PARP1: variants seen among roughly 807,000 people sequenced by gnomAD.
PARP1 encodes the protein poly(ADP-ribose) polymerase 1, also known as poly [ADP-ribose] polymerase 1.
PARP1 carries 44 observed loss-of-function variants against 118.7 expected under a neutral mutation model. The ratio of observed to expected loss-of-function variants is 0.37; its 90% confidence interval spans 0.29 to 0.48. The LOEUF is 0.48. Ranked by LOEUF, PARP1 falls within the 20% of genes least tolerant of loss-of-function variation. The pLI is 0.99. For missense variants in PARP1, 1,100 were observed against 1,272.4 expected, an observed-to-expected ratio of 0.86 and a Z score of 2.06; for synonymous variants, 492 against 483.2, an observed-to-expected ratio of 1.02 and a Z score of -0.24.
At chr1:226,365,535 C>T (rs979571187) in intron 18 of PARP1, among the ~76,000 whole-genome samples, 17 of 152,106 alleles carry the variant, frequency 1.1e-4, no homozygotes, top group African/African-American at 2.9e-4. Context: ...GGGAGGCCAA[C>T]GCAGGCGGAT....
intron 8 of PARP1, among the ~76,000 whole-genome samples, chr1:226,381,529 G>A (rs1050547588): frequency 1.3e-5 from 2 of 151,452 alleles, no homozygotes; most frequent in African/African-American, 4.9e-5. Context: ...TGCGGACGAG[G>A]GACCAGGAGG....
chr1:226,390,120 A>G (rs1664793548), intron 4 of PARP1, among the ~76,000 whole-genome samples: 1 of 152,118 alleles, frequency 6.6e-6, no homozygotes, highest in South Asian at 2.1e-4. Flanking sequence ...GGGAAAGTGT[A>G]GTTAGCCTGT....
At chr1:226,385,006 A>G (rs1664688458) in intron 7 of PARP1, among the ~76,000 whole-genome samples, 1 of 152,220 alleles carries the variant, frequency 6.6e-6, no homozygotes, top group Non-Finnish European at 1.5e-5. Context: ...CCGGCTCCAA[A>G]GGAGGCTCCC....
chr1:226,386,611 G>A (rs1445036358), intron 5 of PARP1, among the ~76,000 whole-genome samples, 169 bp from the exon 6 acceptor site: 1 of 152,226 alleles, frequency 6.6e-6, no homozygotes, highest in Admixed American at 6.5e-5. Flanking sequence ...TCATGCTCCT[G>A]TGGACACCAA....
chr1:226,398,045 C>A (rs1403867644), intron 2 of PARP1, among the ~76,000 whole-genome samples: 3 of 151,538 alleles, frequency 2.0e-5, no homozygotes, highest in African/African-American at 7.3e-5. Context: ...GATAACAGAC[C>A]TAAATGTAAG....
intron 4 of PARP1, among the ~76,000 whole-genome samples, 162 bp from the exon 5 acceptor site, chr1:226,388,917 G>A (rs1664771160): frequency 6.6e-6 from 1 of 152,070 alleles, no homozygotes; most frequent in Admixed American, 6.5e-5. Flanking sequence ...GCCCTTAGGC[G>A]ATCACTGTCT....
rs1426945980 is a variant in PARP1, at chr1:226,392,193, T to G, written c.402+6A>C. 2 of 1,579,330 alleles carry G rather than the reference T, an allele frequency of 1.3e-6. No individual in the cohort carries two copies. Among genetic ancestry groups the G allele is most frequent in the African/African-American group, 2.7e-5 (2 of 74,230 alleles). On this transcript the variant is annotated splice_donor_region_variant and intron_variant, in intron 3 of 22. Transcript: ENST00000366794. Reference sequence around the variant, plus strand: ...AGTTCAGGGATCTGGGCCCCCAAGATCTTACCTTTTCTATCTTCTCCATAC... The same window carrying G: ...AGTTCAGGGATCTGGGCCCCCAAGAGCTTACCTTTTCTATCTTCTCCATAC...
chr1:226,401,966 T>C, intron 2 of PARP1: 3 of 1,444,462 alleles, frequency 2.1e-6, no homozygotes, highest in Non-Finnish European at 2.7e-6. Flanking sequence ...AAAAATAAAG[T>C]ATATTAAAAA....
chr1:226,401,929 T>C, intron 2 of PARP1: 1 of 1,415,956 alleles, frequency 7.1e-7, no homozygotes, highest in Non-Finnish European at 9.2e-7. Flanking sequence ...GGAAACTCTT[T>C]GTTCTTTGCT....
Position 226,368,324 on chromosome 1 carries a change from G to T in PARP1, c.2155-3C>A. 1 of 1,614,160 alleles carries T rather than the reference G, an allele frequency of 6.2e-7. No individual in the cohort carries two copies. Among genetic ancestry groups the T allele is most frequent in the Middle Eastern group, 1.6e-4 (1 of 6,062 alleles). ...TCGCTGCTGCCCTGAGACACCGCCT[G>T]GAGAGGAGGGGACAGAAGGAATGCA... On this transcript the variant is annotated splice_region_variant and splice_polypyrimidine_tract_variant and intron_variant, in intron 15 of 22. Coordinates refer to ENST00000366794, the MANE Select transcript of PARP1 (RefSeq NM_001618.4).
chr1:226,370,880 C>T lies in PARP1; in HGVS notation c.2071-363G>A, dbSNP rs1313266648. ...AAATCATGCTGACCACCCCACCCAGCGGCCTTCCCTGGGGTCCCAGAGCCA... is the reference window on the plus strand; with the variant it reads ...AAATCATGCTGACCACCCCACCCAGTGGCCTTCCCTGGGGTCCCAGAGCCA... On this transcript the variant is annotated intron_variant, in intron 14 of 22. Coordinates refer to ENST00000366794, the MANE Select transcript of PARP1 (RefSeq NM_001618.4). 5 of 288,720 alleles carry T rather than the reference C, an allele frequency of 1.7e-5. No individual in the cohort carries two copies. In the Middle Eastern group the frequency reaches 3.8e-3, roughly 217 times the overall value. The allele number at this position is 288,720 out of a possible 1,614,324, so 17.9% of individuals were successfully genotyped here. A position where few individuals can be genotyped will look rare whatever the true frequency, so the allele number is the denominator to read the frequency against.
chr1:226,367,246 G>A (rs1279954088), intron 17 of PARP1: 7 of 565,300 alleles, frequency 1.2e-5, no homozygotes, highest in South Asian at 4.0e-5. Flanking sequence ...CTGAGGTGCT[G>A]GCTTGGAAGG....
At chr1:226,364,435 C>T in intron 19 of PARP1, 1 of 343,418 alleles carries the variant, frequency 2.9e-6, no homozygotes, top group Non-Finnish European at 5.7e-6. Context: ...ATTTTTATTC[C>T]CTTTTGTAAA....
intron 13 of PARP1, among the ~76,000 whole-genome samples, chr1:226,374,788 G>A (rs1044589882): frequency 2.0e-5 from 3 of 152,118 alleles, no homozygotes; most frequent in Non-Finnish European, 4.4e-5. Context: ...CTCACACAAG[G>A]GCCAGTTGCA....
chr1:226,366,176 G>A (rs187672247), intron 17 of PARP1, 124 bp from the exon 18 acceptor site: 43 of 721,846 alleles, frequency 6.0e-5, no homozygotes, highest in African/African-American at 4.5e-4. Flanking sequence ...GGGCATGACC[G>A]AGAGCCTGTG....
At chr1:226,367,726 C>T in intron 16 of PARP1, 118 bp from the exon 17 acceptor site, 1 of 1,193,958 alleles carries the variant, frequency 8.4e-7, no homozygotes, top group Non-Finnish European at 1.2e-6. Flanking sequence ...GGCAAACCCT[C>T]CTGCTGGTCA....
chr1:226,393,897 A>C (rs913047268), intron 2 of PARP1, among the ~76,000 whole-genome samples: 1 of 152,270 alleles, frequency 6.6e-6, no homozygotes, highest in African/African-American at 2.4e-5. Context: ...ACAAATGAGA[A>C]GACAGACATG....
At chr1:226,365,243 G>A (rs930413931) in intron 18 of PARP1, 89 bp from the exon 19 acceptor site, 2 of 1,400,976 alleles carry the variant, frequency 1.4e-6, no homozygotes, top group Non-Finnish European at 2.0e-6. Context: ...CACGAGAAAT[G>A]ACCGGCTGTC....
At chr1:226,371,662 G>C (rs1477232222) in intron 14 of PARP1, among the ~76,000 whole-genome samples, 1 of 152,188 alleles carries the variant, frequency 6.6e-6, no homozygotes, top group East Asian at 1.9e-4. Context: ...AAAGAACAGA[G>C]TGACTTTGGT....
Sources: gnomAD v4.1 joint callset for allele counts (sites outside exome capture counted in the v4.1 genomes callset) on GRCh38, gnomAD v4.1.1 for gene constraint, MANE v1.5 for transcripts, NCBI Gene and HGNC (gene_info 2026-07-23, HGNC 2026-07-21) for gene names.